Variants in FHIT observed in about 807,000 individuals in gnomAD.
FHIT encodes the protein fragile histidine triad diadenosine triphosphatase, also known as bis(5'-adenosyl)-triphosphatase.
Under a neutral mutation model 17.9 loss-of-function variants are expected in FHIT, and 19 were observed. That is an observed-to-expected ratio of 1.06 (90% confidence interval 0.74 to 1.56). The LOEUF is 1.56. Ranked by LOEUF, FHIT falls within the 40% of genes most tolerant of loss-of-function variation. The pLI, the probability that FHIT is intolerant of heterozygous loss-of-function variation, is 0.00. For synonymous variants in FHIT, 81 were observed against 69.7 expected, an observed-to-expected ratio of 1.16 and a Z score of -0.81; for missense variants, 248 against 189.2, an observed-to-expected ratio of 1.31 and a Z score of -1.82.
In FHIT at chr3:59,786,301, C is replaced by T. The variant is rs75775607; in HGVS notation, c.349-33980G>A. ...ACTTAAAGTGTCAGAATTTGACCCC[C>T]ACTGGCTAATGCAAAAAACACACAG... On this transcript the variant is annotated intron_variant, in intron 8 of 9. Coordinates refer to ENST00000492590, the MANE Select transcript of FHIT (RefSeq NM_002012.4). 8.7e-3 allele frequency among the ~76,000 whole-genome samples: 1,318 copies of T among 152,316 alleles called. 15 individuals carry two copies. The highest frequency in any genetic ancestry group is 0.014 in the Non-Finnish European group (953 of 68,038).
chr3:61,111,384 CT>C (rs1001929221), intron 2 of FHIT, among the ~76,000 whole-genome samples: 1 of 152,116 alleles, frequency 6.6e-6, no homozygotes, highest in African/African-American at 2.4e-5. Flanking sequence ...ACATTAATCA[CT>C]GGAAATAACT....
intron 4 of FHIT, among the ~76,000 whole-genome samples, chr3:60,597,492 A>G (rs2038307173): frequency 6.6e-6 from 1 of 152,116 alleles, no homozygotes; most frequent in Admixed American, 6.6e-5. Flanking sequence ...GCTGTCATTC[A>G]TATCCATACC....
intron 5 of FHIT, among the ~76,000 whole-genome samples, chr3:60,234,297 C>T (rs1284447868): frequency 6.6e-6 from 1 of 152,152 alleles, no homozygotes; most frequent in Non-Finnish European, 1.5e-5. Context: ...GAATAGTTAA[C>T]ACTAACGGAT....
At chr3:60,970,982 A>G (rs1709978266) in intron 3 of FHIT, among the ~76,000 whole-genome samples, 1 of 152,174 alleles carries the variant, frequency 6.6e-6, no homozygotes, top group South Asian at 2.1e-4. Flanking sequence ...ATCATATTAC[A>G]TTTCTTATGA....
intron 5 of FHIT, among the ~76,000 whole-genome samples, chr3:60,525,605 T>C (rs921687653): frequency 3.6e-4 from 55 of 152,356 alleles, no homozygotes; most frequent in African/African-American, 1.3e-3. Flanking sequence ...GGGCAGAACG[T>C]ATAACTATGT....
chr3:60,265,919 T>G (rs1706550668), intron 5 of FHIT, among the ~76,000 whole-genome samples: 2 of 151,774 alleles, frequency 1.3e-5, no homozygotes, highest in Admixed American at 1.3e-4. Flanking sequence ...AAAAAAAAAT[T>G]AATAATGATG....
In FHIT at chr3:60,578,395, C is replaced by T. The variant is rs551963995; in HGVS notation, c.-17-41416G>A. Reference sequence around the variant, plus strand: ...GAGGTTGCAGTGAGCCGAGATCTCACCACTGCACTCTGGCCTGGGCGAAAG... The same window carrying T: ...GAGGTTGCAGTGAGCCGAGATCTCATCACTGCACTCTGGCCTGGGCGAAAG... On this transcript the variant is annotated intron_variant, in intron 4 of 9. Transcript: ENST00000492590. Among the ~76,000 whole-genome samples the T allele has an allele frequency of 4.0e-5, 6 of 151,748 alleles. 1 individual carries two copies. The South Asian group carries it at 1.3e-3, about 32-fold the overall frequency.
At chr3:61,216,482 A>T (rs545740526) in intron 1 of FHIT, among the ~76,000 whole-genome samples, 11 of 152,352 alleles carry the variant, frequency 7.2e-5, no homozygotes, top group South Asian at 2.1e-4. Context: ...ATCATTAAAA[A>T]GTCAGGAAAC....
At chr3:60,907,883 T>C (rs909792596) in intron 3 of FHIT, among the ~76,000 whole-genome samples, 4 of 152,224 alleles carry the variant, frequency 2.6e-5, no homozygotes, top group Non-Finnish European at 5.9e-5. Context: ...ATGTGATTGA[T>C]ACCACATATA....
chr3:61,051,021 C>T (rs1249001741), intron 2 of FHIT, among the ~76,000 whole-genome samples: 2 of 152,134 alleles, frequency 1.3e-5, no homozygotes, highest in Non-Finnish European at 2.9e-5. Flanking sequence ...CACGTGCAGA[C>T]AAACAACAGT....
chr3:59,757,846 GT>G (rs1230053734), intron 8 of FHIT, among the ~76,000 whole-genome samples: 1 of 152,058 alleles, frequency 6.6e-6, no homozygotes, highest in Non-Finnish European at 1.5e-5. Context: ...TAACTGTATT[GT>G]TTTTTTAGAT....
At chr3:60,353,271 G>C (rs73107055) in intron 5 of FHIT, among the ~76,000 whole-genome samples, 21,850 of 152,002 alleles carry the variant, frequency 0.14, 1,657 homozygotes, top group Non-Finnish European at 0.16. Context: ...ATTAAAAAAA[G>C]TGGGGTGCTG....
At chr3:61,086,926 T>C (rs953373691) in intron 2 of FHIT, among the ~76,000 whole-genome samples, 6 of 152,178 alleles carry the variant, frequency 3.9e-5, no homozygotes, top group East Asian at 1.9e-4. Context: ...CATCATCTCC[T>C]ACCACTCACT....
At chr3:61,043,845 C>T (rs1265924159) in intron 2 of FHIT, among the ~76,000 whole-genome samples, 1 of 152,214 alleles carries the variant, frequency 6.6e-6, no homozygotes, top group Non-Finnish European at 1.5e-5. Context: ...GCAGCCTCCA[C>T]AGGTGATACC....
At chr3:59,839,009 A>G (rs1701434843) in intron 8 of FHIT, among the ~76,000 whole-genome samples, 1 of 152,154 alleles carries the variant, frequency 6.6e-6, no homozygotes, top group African/African-American at 2.4e-5. Context: ...CACAAAAGAA[A>G]GAATAAGAAA....
chr3:60,118,785 GGGT>G (rs1366951244), intron 5 of FHIT, among the ~76,000 whole-genome samples: 8 of 132,824 alleles, frequency 6.0e-5, no homozygotes, highest in African/African-American at 1.7e-4. Context: ...GGGGGGGGGG[GGGT>G]GGTGAATCAC....
At chr3:60,010,140 T>G (rs3915504) in intron 7 of FHIT, among the ~76,000 whole-genome samples, 90,640 of 152,084 alleles carry the variant, frequency 0.6, 27,213 homozygotes, top group South Asian at 0.74. Context: ...TAAAAAATCT[T>G]GGAACCAAGT....
chr3:60,085,887 G>A (rs774769286), intron 5 of FHIT, among the ~76,000 whole-genome samples: 8 of 152,180 alleles, frequency 5.3e-5, no homozygotes, highest in Non-Finnish European at 7.3e-5. Flanking sequence ...GTCATTTAAG[G>A]TGGCTCCTCC....
At chr3:61,215,943 T>C (rs2106796096) in intron 1 of FHIT, among the ~76,000 whole-genome samples, 1 of 151,844 alleles carries the variant, frequency 6.6e-6, no homozygotes, top group South Asian at 2.1e-4. Context: ...GCTAGCCATA[T>C]GTAGAAAGCT....
Sources: gnomAD v4.1 joint callset for allele counts (sites outside exome capture counted in the v4.1 genomes callset) on GRCh38, gnomAD v4.1.1 for gene constraint, MANE v1.5 for transcripts, NCBI Gene and HGNC (gene_info 2026-07-23, HGNC 2026-07-21) for gene names.